SFXN5: variants seen among roughly 807,000 people sequenced by gnomAD.
SFXN5 encodes the protein sideroflexin 5, also known as sideroflexin-5.
A neutral mutation model predicts 50.2 loss-of-function variants in SFXN5; 43 were observed. The observed-to-expected ratio is 0.86, with a 90% CI of 0.67 to 1.11. SFXN5 has a LOEUF of 1.11. SFXN5 is among the 50% of genes least tolerant of loss of function. SFXN5 has a pLI of 0.00. For synonymous variants in SFXN5, 203 were observed against 185.8 expected (o/e 1.09, Z -0.75); for missense variants, 463 against 454.1 (o/e 1.02, Z -0.18).
At chr2:73,033,708 G>C (rs184490624) in intron 3 of SFXN5, among the ~76,000 whole-genome samples, 24 of 152,340 alleles carry the variant, frequency 1.6e-4, no homozygotes, top group African/African-American at 5.5e-4. Flanking sequence ...AGATCAGAGA[G>C]GACTGGGGGC....
Position 73,055,598 on chromosome 2 carries a change from C to CTT in SFXN5, c.171+2928_171+2929dup, listed in dbSNP as rs570909541. On this transcript the variant is annotated intron_variant, in intron 2 of 13. Transcript: ENST00000272433. ...GGGTGGATTTCTTTTTTTTCTTTTT[C>CTT]TTTTTTTTTTTTTTTTTGAGACAGA... Among the ~76,000 whole-genome samples, 511 of 133,910 alleles carry CTT rather than the reference C, an allele frequency of 3.8e-3. 8 individuals carry two copies. The highest frequency in any genetic ancestry group is 0.012 in the African/African-American group (443 of 35,932). 87.9% of individuals were successfully genotyped at this position (133,910 alleles called of 152,430 possible). A position where few individuals can be genotyped will look rare whatever the true frequency, so the allele number is the denominator to read the frequency against.
chr2:73,061,048 G>C (rs1574269272), intron 1 of SFXN5, among the ~76,000 whole-genome samples: 1 of 150,330 alleles, frequency 6.7e-6, no homozygotes, highest in Middle Eastern at 3.4e-3. Flanking sequence ...GGGCGTGGTG[G>C]CTCATGCCTG....
At chr2:72,999,376 T>G (rs1045648464) in intron 8 of SFXN5, among the ~76,000 whole-genome samples, 9 of 151,862 alleles carry the variant, frequency 5.9e-5, no homozygotes, top group African/African-American at 1.9e-4. Context: ...GGGGGCCATT[T>G]GGCATCTGGA....
chr2:72,955,417 C>T (rs1405762892), intron 13 of SFXN5, among the ~76,000 whole-genome samples: 1 of 152,136 alleles, frequency 6.6e-6, no homozygotes, highest in Non-Finnish European at 1.5e-5. Context: ...ATGTGCAGCC[C>T]CGTTCCCCAG....
intron 13 of SFXN5, among the ~76,000 whole-genome samples, chr2:72,955,914 G>A (rs1405135181): frequency 6.6e-6 from 1 of 152,230 alleles, no homozygotes; most frequent in African/African-American, 2.4e-5. Context: ...CACCTATAGC[G>A]GCCCCGGCAA....
intron 10 of SFXN5, among the ~76,000 whole-genome samples, chr2:72,980,010 TAGCA>T (rs1671093501): frequency 6.6e-6 from 1 of 152,126 alleles, no homozygotes; most frequent in South Asian, 2.1e-4. Context: ...AGCACTCTAG[TAGCA>T]AGCATGAGAC....
In SFXN5 at chr2:73,067,975, A is replaced by C. The variant is rs914995428; in HGVS notation, c.102+3629T>G. On this transcript the variant is annotated intron_variant, in intron 1 of 13. Coordinates refer to ENST00000272433, the MANE Select transcript of SFXN5 (RefSeq NM_144579.3). ...GAAAATTCAGTAAGTCAATACACAA[A>C]AAGGCTGGAATGATGCTTGGCTATC... is the stretch of plus-strand genomic sequence containing the variant. Among the ~76,000 whole-genome samples the C allele has an allele frequency of 2.0e-5, 3 of 152,262 alleles. No homozygotes were observed. The East Asian group carries it at 5.8e-4, about 29-fold the overall frequency.
intron 3 of SFXN5, among the ~76,000 whole-genome samples, chr2:73,038,266 T>G (rs1440639548): frequency 1.3e-5 from 2 of 152,208 alleles, no homozygotes; most frequent in Non-Finnish European, 2.9e-5. Context: ...AAACGGTTTG[T>G]GTATATTTGT....
intron 3 of SFXN5, among the ~76,000 whole-genome samples, chr2:73,032,823 C>A (rs1057470212): frequency 3.3e-5 from 5 of 152,048 alleles, no homozygotes; most frequent in Non-Finnish European, 5.9e-5. Flanking sequence ...ATAAAACAAA[C>A]AAAAAAAACT....
chr2:73,056,892 T>A (rs1682211127), intron 2 of SFXN5, among the ~76,000 whole-genome samples: 1 of 152,184 alleles, frequency 6.6e-6, no homozygotes, highest in African/African-American at 2.4e-5. Flanking sequence ...GTTAAACATA[T>A]ATTTATCACA....
At chr2:72,981,888 T>A (rs72918394) in intron 10 of SFXN5, among the ~76,000 whole-genome samples, 7,843 of 152,062 alleles carry the variant, frequency 0.052, 649 homozygotes, top group African/African-American at 0.17. Context: ...ATCGTAGAGG[T>A]GATGGAAGGT....
chr2:72,961,619 C>T lies in SFXN5; in HGVS notation c.828-371G>A, dbSNP rs891365510. Among the ~76,000 whole-genome samples, 1 of 152,174 alleles carries T rather than the reference C, an allele frequency of 6.6e-6. No homozygotes were observed. The highest frequency in any genetic ancestry group is 1.5e-5 in the Non-Finnish European group (1 of 68,024). ...GTCGGCCCCTGTTCCTGGGGAGACACATAGGGACGTAAGATCGCTCTCGAG... is the reference window on the plus strand; with the variant it reads ...GTCGGCCCCTGTTCCTGGGGAGACATATAGGGACGTAAGATCGCTCTCGAG... On this transcript the variant is annotated intron_variant, in intron 12 of 13. Transcript: ENST00000272433. The surrounding 1 kb of genome is among the most constrained non-coding windows in gnomAD (Gnocchi z 4.4).
At chr2:72,956,869 G>A (rs1673147520) in intron 13 of SFXN5, 2 of 350,550 alleles carry the variant, frequency 5.7e-6, no homozygotes, top group Non-Finnish European at 1.2e-5. Context: ...CCCCATCTTT[G>A]AGCTCAATCA....
At chr2:72,967,756 T>TCCCCTGC (rs1162339581) in intron 12 of SFXN5, among the ~76,000 whole-genome samples, 2 of 151,954 alleles carry the variant, frequency 1.3e-5, no homozygotes, top group East Asian at 4.0e-4. Context: ...TAGGGGACCC[T>TCCCCTGC]CCCCTGCCCC....
rs1478871213 is a variant in SFXN5, at chr2:72,950,162, AAG to A, written c.946-5065_946-5064del. Among the ~76,000 whole-genome samples, 3 of 152,130 alleles carry A rather than the reference AAG, an allele frequency of 2.0e-5. No homozygotes were observed. Among genetic ancestry groups the A allele is most frequent in the African/African-American group, 7.2e-5 (3 of 41,408 alleles). ...TGGGGAACAGGCACATTTGAAGGGC[AAG>A]CGGAGGGAACAAGCCTGTGATGGTG... On this transcript the variant is annotated intron_variant, in intron 13 of 13. Transcript: ENST00000272433. The surrounding 1 kb of genome is among the most constrained non-coding windows in gnomAD (Gnocchi z 4.2).
At chr2:73,039,291 T>C (rs1247254217) in intron 3 of SFXN5, among the ~76,000 whole-genome samples, 1 of 152,154 alleles carries the variant, frequency 6.6e-6, no homozygotes, top group Non-Finnish European at 1.5e-5. Flanking sequence ...AATGTCTTTA[T>C]GTGGTGTATG....
At chr2:72,962,690 G>C (rs1184134990) in intron 12 of SFXN5, among the ~76,000 whole-genome samples, 1 of 152,176 alleles carries the variant, frequency 6.6e-6, no homozygotes, top group Admixed American at 6.5e-5. Context: ...GGTGAGCCCT[G>C]GCCTGGCACA....
At chr2:72,946,443 G>A (rs1382874598) in intron 13 of SFXN5, among the ~76,000 whole-genome samples, 1 of 152,058 alleles carries the variant, frequency 6.6e-6, no homozygotes, top group Non-Finnish European at 1.5e-5. Flanking sequence ...CCCACTGCAT[G>A]CTCCTCGGGG....
At chr2:73,020,867 G>GC (rs1676792156) in intron 5 of SFXN5, 2 of 152,296 alleles carry the variant, frequency 1.3e-5, no homozygotes, top group African/African-American at 4.8e-5. Flanking sequence ...GCTGCTCTCA[G>GC]CCCCCAGGCG....
Sources: gnomAD v4.1 joint callset for allele counts (sites outside exome capture counted in the v4.1 genomes callset) on GRCh38, gnomAD v4.1.1 for gene constraint, Gnocchi (gnomAD v3.1) non-coding constraint, MANE v1.5 for transcripts, NCBI Gene and HGNC (gene_info 2026-07-23, HGNC 2026-07-21) for gene names.